GTF2E2: variants seen among roughly 807,000 people sequenced by gnomAD.
GTF2E2 encodes the protein general transcription factor IIE subunit 2.
A neutral mutation model predicts 40.5 loss-of-function variants in GTF2E2; 21 were observed. The observed-to-expected ratio is 0.52, with a 90% CI of 0.37 to 0.75. The LOEUF is 0.75. GTF2E2 is among the 30% of genes least tolerant of loss of function. GTF2E2 has a pLI of 0.00. For synonymous variants in GTF2E2, 117 were observed against 121.6 expected, an observed-to-expected ratio of 0.96 and a Z score of 0.25; for missense variants, 298 against 338.4, an observed-to-expected ratio of 0.88 and a Z score of 0.94.
At chr8:30,600,500 G>A (rs1337150378) in intron 6 of GTF2E2, among the ~76,000 whole-genome samples, 2 of 152,078 alleles carry the variant, frequency 1.3e-5, no homozygotes, top group African/African-American at 4.8e-5. Flanking sequence ...TTTTACAGAT[G>A]AGGAATCTCA....
rs1225867296 is a variant in GTF2E2 at position 30,589,544 on chromosome 8, G to C, written c.644-9148C>G. On this transcript the variant is annotated intron_variant, in intron 6 of 7. Transcript: ENST00000355904. ...CCATTACATTCCAGCCTGAGCAACA[G>C]AGCAAGACGCTGTCTTAAAAATAAA... Among the ~76,000 whole-genome samples, 7 of 152,208 alleles carry C rather than the reference G, an allele frequency of 4.6e-5. No individual in the cohort carries two copies. The South Asian group carries it at 1.0e-3, about 23-fold the overall frequency.
chr8:30,598,967 G>A (rs1829091882), intron 6 of GTF2E2, among the ~76,000 whole-genome samples: 1 of 151,906 alleles, frequency 6.6e-6, no homozygotes, highest in Non-Finnish European at 1.5e-5. Flanking sequence ...AGACCAGTCT[G>A]GGCAACAAAG....
chr8:30,639,184 A>C (rs905592751), intron 2 of GTF2E2, among the ~76,000 whole-genome samples: 48 of 152,228 alleles, frequency 3.2e-4, no homozygotes, highest in Admixed American at 3.1e-3. Context: ...GAGAATGCCA[A>C]GAAATTATCA....
At chr8:30,639,932 G>C (rs1471287071) in intron 2 of GTF2E2, among the ~76,000 whole-genome samples, 1 of 151,652 alleles carries the variant, frequency 6.6e-6, no homozygotes, top group African/African-American at 2.4e-5. Context: ...GCTTGCTACA[G>C]AAAGTACAGA....
chr8:30,634,064 A>C (rs566644634), intron 3 of GTF2E2, among the ~76,000 whole-genome samples: 1 of 152,354 alleles, frequency 6.6e-6, no homozygotes, highest in Non-Finnish European at 1.5e-5. Flanking sequence ...CTAATCGTGA[A>C]TAAGAGTTTG....
intron 6 of GTF2E2, among the ~76,000 whole-genome samples, chr8:30,600,740 G>C (rs1323310790): frequency 6.6e-6 from 1 of 152,142 alleles, no homozygotes; most frequent in African/African-American, 2.4e-5. Flanking sequence ...TGAAAAATAA[G>C]TTGCCTGCCT....
chr8:30,622,187 G>T (rs1801124305), intron 3 of GTF2E2, among the ~76,000 whole-genome samples: 1 of 145,942 alleles, frequency 6.9e-6, no homozygotes, highest in African/African-American at 2.6e-5. Flanking sequence ...GGGTATTAGG[G>T]AACCTGCCCC....
chr8:30,586,525 A>AGGG (rs1220326531), intron 6 of GTF2E2, among the ~76,000 whole-genome samples: 3 of 152,238 alleles, frequency 2.0e-5, no homozygotes, highest in South Asian at 4.1e-4. Flanking sequence ...TTTTTCACAT[A>AGGG]AATAGAAAAA....
chr8:30,581,767 T>C (rs987201785), intron 6 of GTF2E2, among the ~76,000 whole-genome samples: 9 of 152,180 alleles, frequency 5.9e-5, no homozygotes, highest in African/African-American at 2.2e-4. Context: ...TCTAAGCTCC[T>C]TGAGAGCAGG....
chr8:30,617,744 C>G (rs1800962211), intron 3 of GTF2E2, among the ~76,000 whole-genome samples: 1 of 141,002 alleles, frequency 7.1e-6, no homozygotes, highest in South Asian at 2.2e-4. Flanking sequence ...AGAACCAGAT[C>G]TTGTCTCAAA....
At chr8:30,602,685 C>A (rs1449838261) in intron 6 of GTF2E2, among the ~76,000 whole-genome samples, 5 of 146,668 alleles carry the variant, frequency 3.4e-5, no homozygotes, top group Non-Finnish European at 1.5e-5. Context: ...ACCCGGGAGG[C>A]AGAGGTTGTT....
chr8:30,640,392 T>C (rs1585996414), intron 2 of GTF2E2, among the ~76,000 whole-genome samples: 1 of 151,968 alleles, frequency 6.6e-6, no homozygotes, highest in African/African-American at 2.4e-5. Flanking sequence ...AGTAAACATA[T>C]CAAATGGGAG....
chr8:30,584,052 C>T (rs1238461763), intron 6 of GTF2E2, among the ~76,000 whole-genome samples: 2 of 151,746 alleles, frequency 1.3e-5, no homozygotes, highest in South Asian at 2.1e-4. Flanking sequence ...GTGATCTGCC[C>T]GCCTCAGCCT....
At chr8:30,628,225 G>A (rs941453819) in intron 3 of GTF2E2, among the ~76,000 whole-genome samples, 1 of 152,162 alleles carries the variant, frequency 6.6e-6, no homozygotes, top group African/African-American at 2.4e-5. Flanking sequence ...TGCCTACTTT[G>A]ATCAGGTGAG....
chr8:30,642,359 T>C (rs1171823856), intron 2 of GTF2E2, among the ~76,000 whole-genome samples: 1 of 149,838 alleles, frequency 6.7e-6, no homozygotes, highest in Non-Finnish European at 1.5e-5. Flanking sequence ...TAAGCAGGAA[T>C]AAAAGAATGG....
At chr8:30,616,058 G>A (rs921875913) in intron 3 of GTF2E2, among the ~76,000 whole-genome samples, 1 of 152,112 alleles carries the variant, frequency 6.6e-6, no homozygotes, top group South Asian at 2.1e-4. Context: ...ATTACTAAGG[G>A]AAAGAAGCCA....
chr8:30,623,289 T>C (rs1387855016), intron 3 of GTF2E2, among the ~76,000 whole-genome samples: 2 of 152,088 alleles, frequency 1.3e-5, no homozygotes, highest in African/African-American at 2.4e-5. Flanking sequence ...AGTGAGAACA[T>C]GCAGTGTTTG....
At chr8:30,593,434 T>C (rs963681017) in intron 6 of GTF2E2, among the ~76,000 whole-genome samples, 4 of 152,264 alleles carry the variant, frequency 2.6e-5, no homozygotes, top group African/African-American at 9.6e-5. Flanking sequence ...TGTTGTTAGA[T>C]ATATAGGTAT....
At chr8:30,602,918 A>G (rs967410164) in intron 6 of GTF2E2, among the ~76,000 whole-genome samples, 2 of 152,228 alleles carry the variant, frequency 1.3e-5, no homozygotes, top group African/African-American at 4.8e-5. Context: ...TGGCAAGGCT[A>G]GCTCCACCCC....
Sources: gnomAD v4.1 joint callset for allele counts (sites outside exome capture counted in the v4.1 genomes callset) on GRCh38, gnomAD v4.1.1 for gene constraint, MANE v1.5 for transcripts, NCBI Gene and HGNC (gene_info 2026-07-23, HGNC 2026-07-21) for gene names.